Variants in CTXND1 observed in about 807,000 individuals in gnomAD.
CTXND1 encodes cortexin domain containing 1.
rs562797590 is a variant in CTXND1, at chr15:80,239,751, G to A, written c.-218+12256C>T. Among the ~76,000 whole-genome samples, 9 of 152,188 alleles carry A rather than the reference G, an allele frequency of 5.9e-5. No homozygotes were observed. In the East Asian group the frequency reaches 1.7e-3, roughly 29 times the overall value. The stretch of plus-strand genomic sequence containing the variant: ...CACCAACTCGCTACAGCTCCCCATT[G>A]TCCACAGAGTCCAGTCCCTTCAGCC... On this transcript the variant is annotated intron_variant, in intron 1 of 2. Coordinates refer to ENST00000560778, the MANE Select transcript of CTXND1 (RefSeq NM_001352888.2).
chr15:80,237,354 A>AAAAG (rs1893513857), intron 1 of CTXND1, among the ~76,000 whole-genome samples: 2 of 151,452 alleles, frequency 1.3e-5, no homozygotes, highest in African/African-American at 2.4e-5. Flanking sequence ...AAAAAAAAAA[A>AAAAG]AAAGAAAGAA....
At chr15:80,235,375 G>T (rs1893483316) in intron 1 of CTXND1, among the ~76,000 whole-genome samples, 1 of 152,180 alleles carries the variant, frequency 6.6e-6, no homozygotes, top group Admixed American at 6.5e-5. Flanking sequence ...CCAATGCAAG[G>T]GCCGAGGTGC....
intron 1 of CTXND1, among the ~76,000 whole-genome samples, chr15:80,238,183 C>T (rs769139777): frequency 1.3e-5 from 2 of 152,100 alleles, no homozygotes; most frequent in Admixed American, 6.6e-5. Flanking sequence ...AGGCCAAACT[C>T]ACCCACCACT....
intron 1 of CTXND1, among the ~76,000 whole-genome samples, chr15:80,205,041 T>C (rs1328607350): frequency 6.6e-6 from 1 of 152,224 alleles, no homozygotes; most frequent in African/African-American, 2.4e-5. Flanking sequence ...TCTGGAGATA[T>C]TTTATTCTTA....
Position 80,201,746 on chromosome 15 carries a change from TC to T in CTXND1, c.*23del, listed in dbSNP as rs1639124718. The T allele has an allele frequency of 7.5e-6, 3 of 398,726 alleles. No homozygotes were observed. In the South Asian group the frequency reaches 3.8e-4, roughly 51 times the overall value. 24.7% of individuals were successfully genotyped at this position (398,726 alleles called of 1,614,324 possible). A position where few individuals can be genotyped will look rare whatever the true frequency, so the allele number is the denominator to read the frequency against. On this transcript the variant is annotated 3_prime_UTR_variant, in exon 3 of 3. Transcript: ENST00000560778. ...GCACAGCCACCCACAGAGCGCCAGG[TC>T]CAGTCCCCACAGCCGCTGTGCCTCA... is the stretch of plus-strand genomic sequence containing the variant.
intron 1 of CTXND1, among the ~76,000 whole-genome samples, chr15:80,237,963 C>T (rs1288633873): frequency 7.5e-6 from 1 of 132,880 alleles, no homozygotes; most frequent in Non-Finnish European, 1.5e-5. Context: ...AAGCTGAGAT[C>T]GTGCCACTGC....
At chr15:80,245,128 G>T (rs1893613979) in intron 1 of CTXND1, among the ~76,000 whole-genome samples, 1 of 152,086 alleles carries the variant, frequency 6.6e-6, no homozygotes, top group Admixed American at 6.6e-5. Context: ...TTACACAGAG[G>T]GATCGTAAGA....
chr15:80,216,283 T>C (rs1205711350), intron 1 of CTXND1, among the ~76,000 whole-genome samples: 1 of 152,160 alleles, frequency 6.6e-6, no homozygotes, highest in Non-Finnish European at 1.5e-5. Context: ...TCCCCTAAAT[T>C]AATGCAAATC....
chr15:80,219,858 G>A (rs920069569), intron 1 of CTXND1, among the ~76,000 whole-genome samples: 5 of 151,922 alleles, frequency 3.3e-5, no homozygotes, highest in Non-Finnish European at 5.9e-5. Flanking sequence ...TCTCTTTCTC[G>A]TTTGTCTTTT....
intron 1 of CTXND1, among the ~76,000 whole-genome samples, chr15:80,248,257 G>C (rs182291917): frequency 1.1e-3 from 173 of 152,356 alleles, no homozygotes; most frequent in African/African-American, 4.1e-3. Context: ...CCTGGGAACA[G>C]ACCTGTTCCC....
At chr15:80,227,557 A>G (rs1893385706) in intron 1 of CTXND1, among the ~76,000 whole-genome samples, 1 of 152,194 alleles carries the variant, frequency 6.6e-6, no homozygotes, top group African/African-American at 2.4e-5. Context: ...TATCACAATA[A>G]AGTGATATTT....
chr15:80,233,505 G>C lies in CTXND1; in HGVS notation c.-218+18502C>G, dbSNP rs147451524. Among the ~76,000 whole-genome samples, 27 of 152,236 alleles carry C rather than the reference G, an allele frequency of 1.8e-4. No homozygotes were observed. The East Asian group carries it at 5.2e-3, about 29-fold the overall frequency. ...GCTCCTGTCCTTCAGGCTGCAAACT[G>C]CCTGGCTCTTGGTGGCTTCCACAGA... On this transcript the variant is annotated intron_variant, in intron 1 of 2. Coordinates refer to ENST00000560778, the MANE Select transcript of CTXND1 (RefSeq NM_001352888.2).
At chr15:80,232,762 C>T (rs1318306591) in intron 1 of CTXND1, among the ~76,000 whole-genome samples, 1 of 152,144 alleles carries the variant, frequency 6.6e-6, no homozygotes. Flanking sequence ...GTGCTCATGC[C>T]TTTGCAATGA....
intron 1 of CTXND1, among the ~76,000 whole-genome samples, chr15:80,205,049 T>C (rs1161726922): frequency 6.6e-6 from 1 of 152,250 alleles, no homozygotes; most frequent in Non-Finnish European, 1.5e-5. Context: ...TATTTTATTC[T>C]TATACAGGAA....
At chr15:80,233,087 G>A (rs1369785137) in intron 1 of CTXND1, among the ~76,000 whole-genome samples, 4 of 151,794 alleles carry the variant, frequency 2.6e-5, no homozygotes, top group South Asian at 2.1e-4. Flanking sequence ...GATTATAGGC[G>A]CCCACCACCA....
At chr15:80,216,812 A>C (rs934311647) in intron 1 of CTXND1, among the ~76,000 whole-genome samples, 1 of 152,054 alleles carries the variant, frequency 6.6e-6, no homozygotes, top group Non-Finnish European at 1.5e-5. Context: ...ATGGGGTTTC[A>C]TCATATTGGT....
Position 80,201,883 on chromosome 15 carries a change from C to T in CTXND1, c.67G>A (p.Val23Ile), listed in dbSNP as rs1014937029. Residue 23 changes from valine (V) to isoleucine (I), a missense_variant, in exon 3 of 3, where the codon GTC (valine) becomes ATC (isoleucine). Coordinates refer to ENST00000560778, the MANE Select transcript of CTXND1 (RefSeq NM_001352888.2). ...VDKGLTLACF[V>I]FLCLFLVVMI... ...ACGACAAGGAAGAGGCAGAGGAAGA[C>T]GAAGCAGGCCAAGGTCAGCCCTTTG... The T allele has an allele frequency of 4.3e-5, 17 of 398,732 alleles. No individual in the cohort carries two copies. Among genetic ancestry groups the T allele is most frequent in the Non-Finnish European group, 5.7e-5 (13 of 226,186 alleles). The allele number at this position is 398,732 out of a possible 1,614,324, so 24.7% of individuals were successfully genotyped here.
At chr15:80,209,741 G>T (rs568245281) in intron 1 of CTXND1, among the ~76,000 whole-genome samples, 2 of 152,254 alleles carry the variant, frequency 1.3e-5, no homozygotes, top group South Asian at 4.2e-4. Context: ...CAATTCAAAG[G>T]GTGCACAAAT....
intron 1 of CTXND1, among the ~76,000 whole-genome samples, chr15:80,236,470 A>C (rs930857768): frequency 2.0e-5 from 3 of 152,212 alleles, no homozygotes; most frequent in Non-Finnish European, 4.4e-5. Flanking sequence ...TCCATCAACC[A>C]TAGTGGTCCC....
Sources: allele counts gnomAD v4.1 joint callset (sites outside exome capture counted in the v4.1 genomes callset), GRCh38; gene constraint gnomAD v4.1.1; transcripts MANE v1.5; gene names NCBI Gene and HGNC (gene_info 2026-07-23, HGNC 2026-07-21).